AAK1: variants seen among roughly 807,000 people sequenced by gnomAD.
The protein encoded by AAK1 is AP2 associated kinase 1.
Under a neutral mutation model 116.0 loss-of-function variants are expected in AAK1, and 37 were observed. The ratio of observed to expected loss-of-function variants is 0.32; its 90% confidence interval spans 0.25 to 0.42. The LOEUF (loss-of-function observed/expected upper bound fraction) is 0.42. AAK1 is among the 10% of genes least tolerant of loss of function. The probability of loss-of-function intolerance (pLI) is 1.00; values close to 1 mark genes in which losing one functional copy is unlikely to be tolerated. For synonymous variants in AAK1, 458 were observed against 439.9 expected (o/e 1.04, Z -0.51); for missense variants, 919 against 1,170.6 (o/e 0.79, Z 3.14).
intron 6 of AAK1, chr2:69,531,686 T>C (rs1005535785): frequency 1.2e-5 from 12 of 1,015,204 alleles, no homozygotes; most frequent in Non-Finnish European, 1.4e-5. Context: ...TGACTGATAA[T>C]GTCATGGTTG....
intron 7 of AAK1, 45 bp downstream of exon 7, chr2:69,530,580 A>G (rs1164246631): frequency 6.6e-7 from 1 of 1,514,056 alleles, no homozygotes; most frequent in Admixed American, 1.7e-5. Flanking sequence ...ATTCACAGTC[A>G]AGACTGCTGC....
intron 2 of AAK1, among the ~76,000 whole-genome samples, chr2:69,586,838 T>C (rs983757980): frequency 1.3e-5 from 2 of 152,168 alleles, no homozygotes; most frequent in African/African-American, 4.8e-5. Flanking sequence ...AGCTGGAACA[T>C]ACTGAGATTC....
At chr2:69,541,227 C>CTTTTT (rs545915571) in intron 5 of AAK1, among the ~76,000 whole-genome samples, 1 of 125,278 alleles carries the variant, frequency 8.0e-6, no homozygotes, top group Non-Finnish European at 1.7e-5. Flanking sequence ...TTTTATACTT[C>CTTTTT]TTTTTTTTTT....
intron 5 of AAK1, among the ~76,000 whole-genome samples, chr2:69,540,408 A>T (rs1035899231): frequency 1.3e-5 from 2 of 152,210 alleles, no homozygotes; most frequent in African/African-American, 4.8e-5. Flanking sequence ...GGCATGAGCC[A>T]CCACGCCCGG....
At position 69,465,645 on chromosome 2, in the gene AAK1, G is replaced by A. The variant is rs1483904732; in HGVS notation, c.*10224C>T. ...ACGGGAATACTTGGATAAGGACTGG[G>A]GGCGGAATGGTTTGCCAGCCATGGG... is the stretch of plus-strand genomic sequence containing the variant. On this transcript the variant is annotated 3_prime_UTR_variant, in exon 22 of 22. Transcript: ENST00000409085. The A allele has an allele frequency of 7.7e-7, 1 of 1,290,936 alleles. No individual in the cohort carries two copies. The highest frequency in any genetic ancestry group is 1.5e-5 in the African/African-American group (1 of 65,978). The allele number at this position is 1,290,936 out of a possible 1,614,324, so 80.0% of individuals were successfully genotyped here.
chr2:69,482,535 G>T (rs1371851692), intron 18 of AAK1, 176 bp downstream of exon 18: 1 of 713,600 alleles, frequency 1.4e-6, no homozygotes, highest in Non-Finnish European at 2.6e-6. Context: ...AATAGACGTT[G>T]TACCCCCGAA....
At chr2:69,606,113 A>T (rs547555315) in intron 2 of AAK1, among the ~76,000 whole-genome samples, 33 of 152,224 alleles carry the variant, frequency 2.2e-4, no homozygotes, top group Non-Finnish European at 3.8e-4. Flanking sequence ...TTGTTCACTC[A>T]GAAGAACCAT....
intron 16 of AAK1, among the ~76,000 whole-genome samples, chr2:69,503,986 C>T (rs560832330): frequency 4.5e-5 from 6 of 134,384 alleles, no homozygotes; most frequent in East Asian, 2.2e-4. Flanking sequence ...GCAACAAGAG[C>T]GAAATTCCGT....
intron 9 of AAK1, 100 bp from the exon 10 acceptor site, chr2:69,525,212 A>G (rs1669972990): frequency 8.3e-7 from 1 of 1,208,274 alleles, no homozygotes; most frequent in African/African-American, 1.5e-5. Flanking sequence ...TGATGGAAAC[A>G]CATTTTGGGA....
chr2:69,593,551 A>G (rs1286232915), intron 2 of AAK1, among the ~76,000 whole-genome samples: 1 of 151,924 alleles, frequency 6.6e-6, no homozygotes, highest in Non-Finnish European at 1.5e-5. Context: ...ATCTTTATAC[A>G]TAGAAAAGGG....
chr2:69,628,762 A>G (rs1675028941), intron 2 of AAK1, among the ~76,000 whole-genome samples: 1 of 152,192 alleles, frequency 6.6e-6, no homozygotes, highest in African/African-American at 2.4e-5. Flanking sequence ...AACTTTTTTC[A>G]AGGAAATTCT....
At position 69,470,331 on chromosome 2, in the gene AAK1, T is replaced by A; in HGVS notation, c.*5538A>T. The stretch of plus-strand genomic sequence containing the variant: ...CAAGAACTTGGAAATGCAGCAGCAA[T>A]TGAAACGTAAAATTTTAGAACCAAA... On this transcript the variant is annotated 3_prime_UTR_variant, in exon 22 of 22. Coordinates refer to ENST00000409085, the MANE Select transcript of AAK1 (RefSeq NM_014911.5). 12 of 985,408 alleles carry A rather than the reference T, an allele frequency of 1.2e-5. No individual in the cohort carries two copies. Among genetic ancestry groups the A allele is most frequent in the Non-Finnish European group, 1.4e-5 (12 of 829,922 alleles). 61.0% of individuals were successfully genotyped at this position (985,408 alleles called of 1,614,324 possible).
chr2:69,596,120 T>G (rs2105182055), intron 2 of AAK1, among the ~76,000 whole-genome samples: 1 of 152,296 alleles, frequency 6.6e-6, no homozygotes, highest in African/African-American at 2.4e-5. Context: ...ATGCACCTAG[T>G]CATCCAAGAG....
chr2:69,466,409 G>A lies in AAK1; in HGVS notation c.*9460C>T, dbSNP rs1399992313. 3 of 1,289,752 alleles carry A rather than the reference G, an allele frequency of 2.3e-6. No individual in the cohort carries two copies. The African/African-American group carries it at 4.6e-5, about 20-fold the overall frequency. The allele number at this position is 1,289,752 out of a possible 1,614,324, so 79.9% of individuals were successfully genotyped here. Reference sequence around the variant, plus strand: ...TGCTTGAAGGGCCATCTCTGGCCAAGTAGTCAGATTCTAAGTTGTTCTGAG... The same window carrying A: ...TGCTTGAAGGGCCATCTCTGGCCAAATAGTCAGATTCTAAGTTGTTCTGAG... On this transcript the variant is annotated 3_prime_UTR_variant, in exon 22 of 22. Transcript: ENST00000409085.
intron 2 of AAK1, among the ~76,000 whole-genome samples, chr2:69,565,227 C>A (rs76327044): frequency 2.0e-5 from 3 of 152,232 alleles, no homozygotes; most frequent in African/African-American, 7.2e-5. Flanking sequence ...ATTGCTGTCA[C>A]GAAGGAACGT....
Position 69,465,989 on chromosome 2 carries a change from A to T in AAK1, c.*9880T>A. 7.7e-7 allele frequency: 1 copy of T among 1,290,844 alleles called. No individual in the cohort carries two copies. Among genetic ancestry groups the T allele is most frequent in the Non-Finnish European group, 1.0e-6 (1 of 988,862 alleles). The allele number at this position is 1,290,844 out of a possible 1,614,324, so 80.0% of individuals were successfully genotyped here. On this transcript the variant is annotated 3_prime_UTR_variant, in exon 22 of 22. Coordinates refer to ENST00000409085, the MANE Select transcript of AAK1 (RefSeq NM_014911.5). ...CCATGCTTTTCTTCTTAGTGAAAGG[A>T]GCTCTCAAAAACACGTCTGACTCCT...
intron 5 of AAK1, among the ~76,000 whole-genome samples, chr2:69,538,590 A>T (rs897146473): frequency 3.3e-5 from 5 of 152,260 alleles, no homozygotes; most frequent in African/African-American, 1.2e-4. Context: ...TTAAAAATCA[A>T]TATAAAGAGG....
Position 69,519,030 on chromosome 2 carries a change from T to G in AAK1, c.1421A>C (p.Gln474Pro). Residue 474 changes from glutamine (Q) to proline (P), a missense_variant, in exon 12 of 22, where the codon CAG (glutamine) becomes CCG (proline). Physicochemically the swap from Gln to Pro is moderately conservative, Grantham distance 76. Coordinates refer to ENST00000409085, the MANE Select transcript of AAK1 (RefSeq NM_014911.5). ...CTGTGCTGGCGGTGGCTGTTGCTGC[T>G]GCTGTTGCTGCTTGAGGAAGAGTTG... Reference protein sequence around the residue: ...QQQLFLKQQQQQQQPPPAQQQ... With the variant: ...QQQLFLKQQQPQQQPPPAQQQ... 6.5e-7 allele frequency: 1 copy of G among 1,550,366 alleles called. No individual in the cohort carries two copies. The highest frequency in any genetic ancestry group is 8.7e-7 in the Non-Finnish European group (1 of 1,146,484).
intron 5 of AAK1, among the ~76,000 whole-genome samples, chr2:69,534,499 C>T (rs368609221): frequency 6.6e-6 from 1 of 152,252 alleles, no homozygotes; most frequent in East Asian, 1.9e-4. Flanking sequence ...TGTCTAAACA[C>T]TAGCCAGGCT....
Sources: allele counts gnomAD v4.1 joint callset (sites outside exome capture counted in the v4.1 genomes callset), GRCh38; gene constraint gnomAD v4.1.1; transcripts MANE v1.5; gene names NCBI Gene and HGNC (gene_info 2026-07-23, HGNC 2026-07-21).